The following MPDZ variants were observed in gnomAD, a reference collection of about 807,000 sequenced individuals.
MPDZ encodes multiple PDZ domain protein.
A neutral mutation model predicts 239.1 loss-of-function variants in MPDZ; 234 were observed. The ratio of observed to expected loss-of-function variants is 0.98; its 90% confidence interval spans 0.88 to 1.09. The LOEUF (loss-of-function observed/expected upper bound fraction) is 1.09. MPDZ is among the 50% of genes least tolerant of loss of function. MPDZ has a pLI of 0.00. For synonymous variants in MPDZ, 1,048 were observed against 881.3 expected (o/e 1.19, Z -3.35); for missense variants, 3,175 against 2,510.0 (o/e 1.26, Z -5.66).
intron 12 of MPDZ, among the ~76,000 whole-genome samples, chr9:13,203,610 C>A (rs1458974986): frequency 6.6e-6 from 1 of 152,066 alleles, no homozygotes; most frequent in Non-Finnish European, 1.5e-5. Context: ...TACCCCTTGT[C>A]TGAGGACTAG....
chr9:13,255,027 T>C (rs367558102), intron 1 of MPDZ, among the ~76,000 whole-genome samples: 6 of 152,214 alleles, frequency 3.9e-5, no homozygotes, highest in South Asian at 4.1e-4. Context: ...TTACCCACAA[T>C]AGAACCTCTC....
chr9:13,115,420 A>G (rs1035871308), intron 39 of MPDZ, 86 bp from the exon 40 acceptor site: 1 of 1,162,590 alleles, frequency 8.6e-7, no homozygotes, highest in African/African-American at 1.5e-5. Flanking sequence ...ACTCTTCAAG[A>G]CTTTTTTGAA....
chr9:13,180,394 T>C (rs149248217), intron 19 of MPDZ, among the ~76,000 whole-genome samples: 65 of 152,218 alleles, frequency 4.3e-4, no homozygotes, highest in African/African-American at 1.4e-3. Flanking sequence ...GAACGAAGGA[T>C]AGACACCACA....
chr9:13,235,994 T>C (rs1963835468), intron 3 of MPDZ, among the ~76,000 whole-genome samples: 2 of 151,862 alleles, frequency 1.3e-5, no homozygotes, highest in South Asian at 2.1e-4. Context: ...TACAAAGCTA[T>C]AGACTTTAGC....
At chr9:13,219,082 T>G (rs184229620) in intron 8 of MPDZ, among the ~76,000 whole-genome samples, 1 of 151,956 alleles carries the variant, frequency 6.6e-6, no homozygotes, top group South Asian at 2.1e-4. Context: ...TAAAAGGTTT[T>G]AGTAAGCCTT....
chr9:13,239,919 A>G (rs1165607301), intron 3 of MPDZ, among the ~76,000 whole-genome samples: 1 of 152,142 alleles, frequency 6.6e-6, no homozygotes, highest in African/African-American at 2.4e-5. Context: ...TTAAATCTCA[A>G]CAATTCTGTG....
chr9:13,199,927 T>C (rs1212704251), intron 12 of MPDZ, among the ~76,000 whole-genome samples: 1 of 152,112 alleles, frequency 6.6e-6, no homozygotes, highest in African/African-American at 2.4e-5. Context: ...TTTTGTTGTG[T>C]GTCCTTCTCT....
intron 1 of MPDZ, among the ~76,000 whole-genome samples, chr9:13,275,638 T>C (rs995021693): frequency 6.6e-6 from 1 of 152,168 alleles, no homozygotes; most frequent in Non-Finnish European, 1.5e-5. Context: ...TTAGGGTGCA[T>C]GTTAGAAAAA....
chr9:13,124,019 A>T (rs552924174), intron 35 of MPDZ, among the ~76,000 whole-genome samples: 1 of 152,156 alleles, frequency 6.6e-6, no homozygotes, highest in Non-Finnish European at 1.5e-5. Flanking sequence ...TTCATATCAT[A>T]TGTTTTACGA....
At chr9:13,186,598 TTACTC>T (rs1347648613) in intron 17 of MPDZ, among the ~76,000 whole-genome samples, 3 of 152,142 alleles carry the variant, frequency 2.0e-5, no homozygotes, top group South Asian at 2.1e-4. Flanking sequence ...TGAGGATTAT[TTACTC>T]TAATATAAAA....
Position 13,112,046 on chromosome 9 carries a change from G to T in MPDZ, c.5702C>A (p.Ala1901Glu), listed in dbSNP as rs1371435717. The change falls in exon 43 of 47, where the codon GCA (alanine) becomes GAA (glutamate). Residue 1901 changes from alanine to glutamate, a missense_variant. Transcript: ENST00000319217. ...FIAMMHPTGV[A>E]AQTQKLRVGD... ...CACTCTGAGTTTTTGGGTCTGTGCT[G>T]CAACTCCAGTTGGGTGCATCATTGC... 6.2e-7 allele frequency: 1 copy of T among 1,613,550 alleles called. No individual in the cohort carries two copies. The highest frequency in any genetic ancestry group is 8.5e-7 in the Non-Finnish European group (1 of 1,179,616).
At chr9:13,126,840 A>T in intron 32 of MPDZ, 68 bp from the exon 33 acceptor site, 4 of 1,330,942 alleles carry the variant, frequency 3.0e-6, no homozygotes, top group Non-Finnish European at 4.3e-6. Context: ...ATGGATACCA[A>T]GGGTAAGAAA....
At chr9:13,230,978 A>T (rs1397951778) in intron 3 of MPDZ, among the ~76,000 whole-genome samples, 1 of 152,108 alleles carries the variant, frequency 6.6e-6, no homozygotes, top group African/African-American at 2.4e-5. Context: ...CAGAAAACCA[A>T]ATCAGAAAAG....
At chr9:13,190,569 G>C (rs904399278) in intron 15 of MPDZ, among the ~76,000 whole-genome samples, 6 of 152,070 alleles carry the variant, frequency 3.9e-5, no homozygotes, top group Non-Finnish European at 5.9e-5. Flanking sequence ...TCGACAGCAG[G>C]ATTGTGCGTG....
At chr9:13,265,640 C>G (rs1971629049) in intron 1 of MPDZ, among the ~76,000 whole-genome samples, 1 of 152,190 alleles carries the variant, frequency 6.6e-6, no homozygotes, top group South Asian at 2.1e-4. Flanking sequence ...ATATAGTTGG[C>G]AGCTGGTCTC....
intron 20 of MPDZ, 76 bp from the exon 21 acceptor site, chr9:13,175,951 C>A: frequency 1.3e-6 from 2 of 1,498,096 alleles, no homozygotes; most frequent in Non-Finnish European, 8.9e-7. Flanking sequence ...CAACATCACG[C>A]ATGTTCTCTA....
chr9:13,240,580 T>TAAA lies in MPDZ; in HGVS notation c.183+7052_183+7054dup, dbSNP rs71331533. Reference sequence around the variant, plus strand: ...CAGAAACAGTGTAACATAATAAAAGTAAAAAAAAAAAAAAAAAAAAAAAAA... The same window carrying TAAA: ...CAGAAACAGTGTAACATAATAAAAGTAAAAAAAAAAAAAAAAAAAAAAAAAAAA... On this transcript the variant is annotated intron_variant, in intron 3 of 46. Transcript: ENST00000319217. Among the ~76,000 whole-genome samples, 107 of 44,020 alleles carry TAAA rather than the reference T, an allele frequency of 2.4e-3. 13 individuals are homozygous for TAAA. The highest frequency in any genetic ancestry group is 5.9e-3 in the Admixed American group (17 of 2,860). The allele number at this position is 44,020 out of a possible 152,430, so 28.9% of individuals were successfully genotyped here.
intron 2 of MPDZ, 105 bp from the exon 3 acceptor site, chr9:13,247,906 C>T: frequency 9.2e-7 from 1 of 1,084,234 alleles, no homozygotes. Context: ...CTATTGAGTG[C>T]ATAAAATTGT....
At chr9:13,203,783 A>AAG (rs1250301332) in intron 12 of MPDZ, among the ~76,000 whole-genome samples, 2 of 145,874 alleles carry the variant, frequency 1.4e-5, no homozygotes, top group Admixed American at 1.4e-4. Flanking sequence ...CAGAGAGAGA[A>AAG]AGAGAGAGAG....
Sources: gnomAD v4.1 joint callset for allele counts (sites outside exome capture counted in the v4.1 genomes callset) on GRCh38, gnomAD v4.1.1 for gene constraint, MANE v1.5 for transcripts, NCBI Gene and HGNC (gene_info 2026-07-23, HGNC 2026-07-21) for gene names.